Variants in CELF2 observed in about 807,000 individuals in gnomAD.
CELF2 encodes CUGBP Elav-like family member 2.
CELF2 carries 8 observed loss-of-function variants against 62.6 expected under a neutral mutation model. The observed-to-expected ratio is 0.13, with a 90% CI of 0.07 to 0.23. The LOEUF is 0.23. CELF2 is among the 10% of genes least tolerant of loss of function. The probability of loss-of-function intolerance (pLI) is 1.00; values close to 1 mark genes in which losing one functional copy is unlikely to be tolerated. For missense variants in CELF2, 333 were observed against 671.0 expected (o/e 0.50, Z 5.56); for synonymous variants, 258 against 250.0 (o/e 1.03, Z -0.30).
the CELF2 span, among the ~76,000 whole-genome samples, chr10:10,669,790 T>A: frequency 6.6e-6 from 1 of 152,174 alleles, no homozygotes; most frequent in Non-Finnish European, 1.5e-5. Context: ...TCCCTCTGAA[T>A]CCTGGAGAAT....
At chr10:10,870,968 G>A (rs11256884) in intron 1 of CELF2, among the ~76,000 whole-genome samples, 19,150 of 152,078 alleles carry the variant, frequency 0.13, 1,583 homozygotes, top group Non-Finnish European at 0.19. Flanking sequence ...GGCAGTGTAC[G>A]CTCCCACCCC....
chr10:10,664,296 T>C, the CELF2 span, among the ~76,000 whole-genome samples: 1 of 152,232 alleles, frequency 6.6e-6, no homozygotes, highest in Non-Finnish European at 1.5e-5. Context: ...CATTGTATCG[T>C]TCCTTTACTG....
At chr10:10,575,646 T>A in the CELF2 span, among the ~76,000 whole-genome samples, 1 of 152,212 alleles carries the variant, frequency 6.6e-6, no homozygotes, top group Non-Finnish European at 1.5e-5. Context: ...AATTGAAAGC[T>A]TAGCTTCCCT....
intron 1 of CELF2, among the ~76,000 whole-genome samples, chr10:11,149,697 G>A (rs1328744937): frequency 1.3e-5 from 2 of 152,124 alleles, no homozygotes; most frequent in African/African-American, 4.8e-5. Flanking sequence ...GAGGTAGAAC[G>A]TTTCCAAGCT....
intron 1 of CELF2, among the ~76,000 whole-genome samples, chr10:10,867,751 C>T (rs2060477494): frequency 6.6e-6 from 1 of 152,226 alleles, no homozygotes; most frequent in African/African-American, 2.4e-5. Flanking sequence ...TTTGTCTTCT[C>T]CTGACCTGGA....
chr10:10,820,651 A>T (rs1459620471), intron 1 of CELF2, among the ~76,000 whole-genome samples: 1 of 152,132 alleles, frequency 6.6e-6, no homozygotes, highest in Non-Finnish European at 1.5e-5. Flanking sequence ...TGACACACAG[A>T]TCTCTCACTC....
chr10:10,463,307 G>T, the CELF2 span, among the ~76,000 whole-genome samples: 317 of 152,220 alleles, frequency 2.1e-3, 2 homozygotes, highest in African/African-American at 7.1e-3. Flanking sequence ...GAATGTGCTT[G>T]CCTGTTACTC....
intron 1 of CELF2, among the ~76,000 whole-genome samples, chr10:10,841,107 T>C (rs1383618658): frequency 6.6e-6 from 1 of 152,208 alleles, no homozygotes. Context: ...GCATTTGGGT[T>C]GGTTCCAAGT....
rs2066438578 is a variant in CELF2, at chr10:10,934,621, C to T, written c.89+14622C>T. ...CTCACATTTCCAGTTTAGGAATGTCCTAGTATCATGAACAAAAACTAGGGA... is the reference window on the plus strand; with the variant it reads ...CTCACATTTCCAGTTTAGGAATGTCTTAGTATCATGAACAAAAACTAGGGA... On this transcript the variant is annotated intron_variant, in intron 2 of 13. Transcript: ENST00000636488. The surrounding 1 kb of genome is among the most constrained non-coding windows in gnomAD (Gnocchi z 4.4). 6.6e-6 allele frequency: 1 copy of T among 152,184 alleles called. No individual in the cohort carries two copies. Among genetic ancestry groups the T allele is most frequent in the Admixed American group, 6.5e-5 (1 of 15,274 alleles). 9.4% of individuals were successfully genotyped at this position (152,184 alleles called of 1,614,324 possible).
In CELF2 at chr10:10,852,286, T is replaced by A. The variant is rs148134053; in HGVS notation, c.53+53469T>A. Among the ~76,000 whole-genome samples, 3 of 152,344 alleles carry A rather than the reference T, an allele frequency of 2.0e-5. No individual in the cohort carries two copies. The East Asian group carries it at 5.8e-4, about 29-fold the overall frequency. On this transcript the variant is annotated intron_variant, in intron 1 of 13. Transcript: ENST00000636488. ...AACAAAGAAACAAACTATGGGTTTA[T>A]GCAACAACTTGGATGGATCTCAGGG...
At chr10:10,883,697 G>C (rs921945141) in intron 1 of CELF2, among the ~76,000 whole-genome samples, 2 of 152,130 alleles carry the variant, frequency 1.3e-5, no homozygotes, top group African/African-American at 4.8e-5. Flanking sequence ...GTGGTAGTGA[G>C]AAACTCATCT....
At chr10:10,464,595 G>A in the CELF2 span, among the ~76,000 whole-genome samples, 1 of 152,088 alleles carries the variant, frequency 6.6e-6, no homozygotes, top group Non-Finnish European at 1.5e-5. Flanking sequence ...CTTAAAATAA[G>A]AAAGGATAAG....
exon 2 of CELF2, chr10:10,919,996 C>G: frequency 8.1e-7 from 1 of 1,231,388 alleles, no homozygotes. Context: ...GGGAGTCTAC[C>G]AAGGTGAGCA....
At chr10:11,044,062 G>T (rs2062353795) in intron 1 of CELF2, among the ~76,000 whole-genome samples, 2 of 152,160 alleles carry the variant, frequency 1.3e-5, no homozygotes, top group African/African-American at 4.8e-5. Flanking sequence ...CACGGCCTTT[G>T]CGTCTTCACT....
At chr10:10,674,809 G>A in the CELF2 span, among the ~76,000 whole-genome samples, 1 of 152,162 alleles carries the variant, frequency 6.6e-6, no homozygotes, top group Non-Finnish European at 1.5e-5. Flanking sequence ...TTGTGTGAGT[G>A]TGCCACTTGT....
At chr10:11,136,900 T>A (rs2060522027) in intron 1 of CELF2, among the ~76,000 whole-genome samples, 1 of 152,260 alleles carries the variant, frequency 6.6e-6, no homozygotes, top group Non-Finnish European at 1.5e-5. Flanking sequence ...CTGCTTCAGA[T>A]GGCATATCAT....
At chr10:11,239,479 C>T (rs2072943006) in intron 3 of CELF2, among the ~76,000 whole-genome samples, 1 of 152,166 alleles carries the variant, frequency 6.6e-6, no homozygotes, top group African/African-American at 2.4e-5. Context: ...TGTCTCCTTC[C>T]CCTCAGGGAA....
chr10:10,586,932 G>C, the CELF2 span, among the ~76,000 whole-genome samples: 3 of 152,132 alleles, frequency 2.0e-5, no homozygotes, highest in African/African-American at 4.8e-5. Context: ...GAATGTCTAA[G>C]ACCTAAACAT....
chr10:10,887,033 T>C (rs868337754), intron 1 of CELF2, among the ~76,000 whole-genome samples: 5 of 152,180 alleles, frequency 3.3e-5, no homozygotes, highest in Non-Finnish European at 5.9e-5. Context: ...ATGGCTGCCT[T>C]GGCAGTCTCT....
Sources: allele counts gnomAD v4.1 joint callset (sites outside exome capture counted in the v4.1 genomes callset), GRCh38; gene constraint gnomAD v4.1.1; non-coding constraint Gnocchi (gnomAD v3.1); transcripts MANE v1.5; gene names NCBI Gene and HGNC (gene_info 2026-07-23, HGNC 2026-07-21).